ANKRD46: variants seen among roughly 807,000 people sequenced by gnomAD.
The protein encoded by ANKRD46 is ankyrin repeat domain 46.
Under a neutral mutation model 19.8 loss-of-function variants are expected in ANKRD46, and 13 were observed. The observed-to-expected ratio is 0.66, with a 90% confidence interval of 0.43 to 1.04. The LOEUF is 1.04. ANKRD46 is among the 50% of genes least tolerant of loss of function. The probability of loss-of-function intolerance (pLI) is 0.00; values close to 1 mark genes in which losing one functional copy is unlikely to be tolerated. For missense variants in ANKRD46, 185 were observed against 274.8 expected (o/e 0.67, Z 2.31); for synonymous variants, 91 against 106.9 (o/e 0.85, Z 0.92).
intron 1 of ANKRD46, among the ~76,000 whole-genome samples, chr8:100,555,493 G>T (rs1736568478): frequency 6.7e-6 from 1 of 149,050 alleles, no homozygotes; most frequent in African/African-American, 2.5e-5. Context: ...AAAAAAAAAA[G>T]ACTATAAGTT....
At position 100,522,381 on chromosome 8, in the gene ANKRD46, T is replaced by C; in HGVS notation, c.*174A>G. 7.0e-7 allele frequency: 1 copy of C among 1,428,252 alleles called. No individual in the cohort carries two copies. Among genetic ancestry groups the C allele is most frequent in the Non-Finnish European group, 9.1e-7 (1 of 1,096,324 alleles). 88.5% of individuals were successfully genotyped at this position (1,428,252 alleles called of 1,614,324 possible). ...GGATGCAATATACTTGATCATAGTA[T>C]GTAGTTAGTTCAAATGAACACATCA... is the stretch of plus-strand genomic sequence containing the variant. On this transcript the variant is annotated 3_prime_UTR_variant, in exon 5 of 5. Coordinates refer to ENST00000335659, the MANE Select transcript of ANKRD46 (RefSeq NM_001270377.2).
At position 100,544,929 on chromosome 8, in the gene ANKRD46, A is replaced by T. The variant is rs1453355459; in HGVS notation, c.-130-11618T>A. On this transcript the variant is annotated intron_variant, in intron 1 of 4. Coordinates refer to ENST00000335659, the MANE Select transcript of ANKRD46 (RefSeq NM_001270377.2). The surrounding 1 kb of genome is among the most constrained non-coding windows in gnomAD (Gnocchi z 4.4). Reference sequence around the variant, plus strand: ...AGTGAACAAGCAGAGAAGCCCAAGGAGATAATAACAGTATTGTACACTGGC... The same window carrying T: ...AGTGAACAAGCAGAGAAGCCCAAGGTGATAATAACAGTATTGTACACTGGC... 2.0e-5 allele frequency among the ~76,000 whole-genome samples: 3 copies of T among 152,222 alleles called. No homozygotes were observed. The East Asian group carries it at 5.8e-4, about 29-fold the overall frequency.
chr8:100,513,945 T>C (rs1811589039), intron 5 of ANKRD46, among the ~76,000 whole-genome samples: 1 of 152,238 alleles, frequency 6.6e-6, no homozygotes, highest in Admixed American at 6.5e-5. Flanking sequence ...TTTTATTTCT[T>C]ATGGACTGAA....
rs985301754 is a variant in ANKRD46, at chr8:100,532,019, C to A, written c.-28+1190G>T. Among the ~76,000 whole-genome samples, 2 of 151,870 alleles carry A rather than the reference C, an allele frequency of 1.3e-5. No homozygotes were observed. Among genetic ancestry groups the A allele is most frequent in the African/African-American group, 4.8e-5 (2 of 41,278 alleles). ...ACGCACTGGAGAGGAACAGAGAAGACAGAATTAGCACAACTTAATGACTCA... is the reference window on the plus strand; with the variant it reads ...ACGCACTGGAGAGGAACAGAGAAGAAAGAATTAGCACAACTTAATGACTCA... On this transcript the variant is annotated intron_variant, in intron 2 of 4. Transcript: ENST00000335659. This position sits in a 1 kb window ranked among gnomAD's most constrained non-coding sequence, Gnocchi z 4.7.
chr8:100,542,422 C>T (rs918053498), intron 1 of ANKRD46, among the ~76,000 whole-genome samples: 2 of 151,994 alleles, frequency 1.3e-5, no homozygotes, highest in Non-Finnish European at 2.9e-5. Context: ...GACTGAGAAA[C>T]GGCAGAATGA....
At chr8:100,538,656 T>G (rs752686254) in intron 1 of ANKRD46, among the ~76,000 whole-genome samples, 10 of 152,050 alleles carry the variant, frequency 6.6e-5, no homozygotes, top group Non-Finnish European at 1.5e-5. Flanking sequence ...ATAAAAAGTG[T>G]GAATAATGAA....
intron 1 of ANKRD46, among the ~76,000 whole-genome samples, chr8:100,535,606 C>T (rs1304957964): frequency 6.6e-6 from 1 of 152,188 alleles, no homozygotes; most frequent in Non-Finnish European, 1.5e-5. Flanking sequence ...TCTTCCACTT[C>T]TTTAATTCTG....
chr8:100,528,762 T>C (rs1025731033), intron 3 of ANKRD46, among the ~76,000 whole-genome samples: 1 of 152,192 alleles, frequency 6.6e-6, no homozygotes, highest in Admixed American at 6.5e-5. Context: ...TACCCCATTT[T>C]GTCCTGCAGA....
At chr8:100,542,467 C>T (rs575029193) in intron 1 of ANKRD46, among the ~76,000 whole-genome samples, 1 of 152,028 alleles carries the variant, frequency 6.6e-6, no homozygotes, top group Admixed American at 6.6e-5. Flanking sequence ...TTTCTTCTCT[C>T]GCCACTGGAA....
At chr8:100,552,535 C>G (rs1229265288) in intron 1 of ANKRD46, among the ~76,000 whole-genome samples, 4 of 152,212 alleles carry the variant, frequency 2.6e-5, no homozygotes, top group Non-Finnish European at 5.9e-5. Context: ...CCCAACTCCA[C>G]TACTCTTCAC....
Position 100,510,421 on chromosome 8 carries a change from T to C in ANKRD46, c.*156A>G. The C allele has an allele frequency of 1.6e-6, 1 of 621,920 alleles. No individual in the cohort carries two copies. Among genetic ancestry groups the C allele is most frequent in the Non-Finnish European group, 2.6e-6 (1 of 388,656 alleles). The allele number at this position is 621,920 out of a possible 1,614,324, so 38.5% of individuals were successfully genotyped here. Reference sequence around the variant, plus strand: ...GGACTGGAGAGGAGGGGACAGGTGGTAGCAGGTCCCTCTGCCTCCTAACTG... The same window carrying C: ...GGACTGGAGAGGAGGGGACAGGTGGCAGCAGGTCCCTCTGCCTCCTAACTG... On this transcript the variant is annotated 3_prime_UTR_variant, in exon 6 of 6. Transcript: ENST00000520552. This position sits in a 1 kb window ranked among gnomAD's most constrained non-coding sequence, Gnocchi z 4.9.
At chr8:100,552,796 T>C (rs548643467) in intron 1 of ANKRD46, among the ~76,000 whole-genome samples, 1 of 152,328 alleles carries the variant, frequency 6.6e-6, no homozygotes, top group East Asian at 1.9e-4. Flanking sequence ...GATAAAAGGG[T>C]CAAGCCTTGG....
downstream of ANKRD46, among the ~76,000 whole-genome samples, chr8:100,519,818 A>C (rs772026460): frequency 6.6e-6 from 1 of 152,188 alleles, no homozygotes; most frequent in Non-Finnish European, 1.5e-5. Flanking sequence ...TGGAAGGAGG[A>C]CCAAGCACAG....
intron 1 of ANKRD46, among the ~76,000 whole-genome samples, chr8:100,554,318 A>C (rs1586805812): frequency 1.6e-5 from 1 of 62,156 alleles, no homozygotes; most frequent in East Asian, 2.8e-4. Flanking sequence ...GAACAGCACT[A>C]AAAAAAAGTA....
intron 5 of ANKRD46, among the ~76,000 whole-genome samples, chr8:100,512,731 T>G (rs1811566448): frequency 1.3e-5 from 2 of 152,236 alleles, no homozygotes; most frequent in African/African-American, 4.8e-5. Flanking sequence ...GGAATATCTT[T>G]TGAAAGAATT....
At chr8:100,533,923 C>A (rs529524079) in intron 1 of ANKRD46, among the ~76,000 whole-genome samples, 3 of 152,226 alleles carry the variant, frequency 2.0e-5, no homozygotes, top group South Asian at 2.1e-4. Context: ...GCTGCTCCCC[C>A]ACCCAGGCTG....
At chr8:100,541,001 A>C (rs1409108838) in intron 1 of ANKRD46, among the ~76,000 whole-genome samples, 1 of 149,314 alleles carries the variant, frequency 6.7e-6, no homozygotes, top group East Asian at 2.0e-4. Context: ...CATAGGCTTC[A>C]AGTTCAACTT....
At position 100,510,367 on chromosome 8, in the gene ANKRD46, C is replaced by T; in HGVS notation, c.*210G>A. The T allele has an allele frequency of 2.3e-6, 1 of 427,850 alleles. No homozygotes were observed. Among genetic ancestry groups the T allele is most frequent in the Non-Finnish European group, 4.1e-6 (1 of 243,270 alleles). 26.5% of individuals were successfully genotyped at this position (427,850 alleles called of 1,614,324 possible). A position where few individuals can be genotyped will look rare whatever the true frequency, so the allele number is the denominator to read the frequency against. On this transcript the variant is annotated 3_prime_UTR_variant, in exon 6 of 6. Transcript: ENST00000520552. The surrounding 1 kb of genome is among the most constrained non-coding windows in gnomAD (Gnocchi z 4.9). Reference sequence around the variant, plus strand: ...TTGAGGATCTGGGAGGCCAGGAAGACAGCAGGTGCCCGGGCTGCCTGCAGG... The same window carrying T: ...TTGAGGATCTGGGAGGCCAGGAAGATAGCAGGTGCCCGGGCTGCCTGCAGG...
At chr8:100,518,113 C>G (rs141693154), downstream of ANKRD46, among the ~76,000 whole-genome samples, 680 of 152,288 alleles carry the variant, frequency 4.5e-3, 3 homozygotes, top group Non-Finnish European at 6.3e-3. Flanking sequence ...ATAGCTTGAA[C>G]CTGGAAGGCG....
Sources: gnomAD v4.1 joint callset for allele counts (sites outside exome capture counted in the v4.1 genomes callset) on GRCh38, gnomAD v4.1.1 for gene constraint, Gnocchi (gnomAD v3.1) non-coding constraint, MANE v1.5 for transcripts, NCBI Gene and HGNC (gene_info 2026-07-23, HGNC 2026-07-21) for gene names.